APIP: variants seen among roughly 807,000 people sequenced by gnomAD.
APIP encodes APAF1 interacting protein, also known as methylthioribulose-1-phosphate dehydratase.
In APIP, 32 loss-of-function variants were observed where a neutral mutation model predicts 32.0. The observed-to-expected ratio is 1.00, with a 90% CI of 0.76 to 1.34. The LOEUF (loss-of-function observed/expected upper bound fraction) is 1.34, where lower values mean the gene tolerates loss of function less well. Ranked by LOEUF, APIP falls within the 40% of genes most tolerant of loss-of-function variation. The probability of loss-of-function intolerance (pLI) is 0.00; values close to 1 mark genes in which losing one functional copy is unlikely to be tolerated. For synonymous variants in APIP, 92 were observed against 94.8 expected, an observed-to-expected ratio of 0.97 and a Z score of 0.17; for missense variants, 247 against 298.6, an observed-to-expected ratio of 0.83 and a Z score of 1.27.
chr11:34,915,930 A>C, intron 1 of APIP: 1 of 496,632 alleles, frequency 2.0e-6, no homozygotes. Flanking sequence ...CCTTCCTGAT[A>C]AATACCCGGT....
At chr11:34,887,223 T>A (rs1853091818) in intron 5 of APIP, among the ~76,000 whole-genome samples, 1 of 152,120 alleles carries the variant, frequency 6.6e-6, no homozygotes, top group African/African-American at 2.4e-5. Context: ...GCCCTGTTCC[T>A]CTACCTTACT....
chr11:34,903,313 G>T (rs1853396001), intron 1 of APIP, among the ~76,000 whole-genome samples: 1 of 152,214 alleles, frequency 6.6e-6, no homozygotes, highest in Non-Finnish European at 1.5e-5. Flanking sequence ...CAAGGAGTAT[G>T]CATATGCAAT....
chr11:34,913,404 G>T (rs942492513), intron 1 of APIP, among the ~76,000 whole-genome samples: 1 of 152,112 alleles, frequency 6.6e-6, no homozygotes. Context: ...TGTTCGTTCA[G>T]ATGTTCAGAG....
At chr11:34,884,416 A>T (rs998368181) in intron 5 of APIP, among the ~76,000 whole-genome samples, 1 of 152,216 alleles carries the variant, frequency 6.6e-6, no homozygotes, top group Non-Finnish European at 1.5e-5. Flanking sequence ...AGTAAAACAG[A>T]GGTAATTATA....
intron 1 of APIP, chr11:34,896,937 C>G: frequency 1.2e-5 from 7 of 575,008 alleles, no homozygotes; most frequent in Non-Finnish European, 1.7e-5. Context: ...GGAGACCCCA[C>G]TGAGGTCTAC....
At position 34,890,538 on chromosome 11, in the gene APIP, A is replaced by G; in HGVS notation, c.173T>C (p.Ile58Thr). The change falls in exon 3 of 7, where the codon ATT (isoleucine) becomes ACT (threonine). Residue 58 changes from isoleucine to threonine, a missense_variant. Transcript: ENST00000395787. ...ISLKHGDEIYIAPSGVQKERI... is the reference protein window; with the variant it reads ...ISLKHGDEIYTAPSGVQKERI... ...TTCCTTTTGCACTCCTGAAGGAGCA[A>G]TGTAGATTTCATCGCTGGCAACACA... 6.2e-7 allele frequency: 1 copy of G among 1,610,148 alleles called. No individual in the cohort carries two copies. The highest frequency in any genetic ancestry group is 8.5e-7 in the Non-Finnish European group (1 of 1,177,902).
chr11:34,890,578 G>GT, intron 2 of APIP, 26 bp from the exon 3 acceptor site: 1 of 1,606,248 alleles, frequency 6.2e-7, no homozygotes, highest in Non-Finnish European at 8.5e-7. Context: ...ATACAAATTG[G>GT]TATTTATTTA....
chr11:34,883,121 T>G (rs140152106), intron 6 of APIP, among the ~76,000 whole-genome samples: 4 of 152,336 alleles, frequency 2.6e-5, no homozygotes, highest in South Asian at 2.1e-4. Flanking sequence ...CTTTTGTAAC[T>G]TGGGATCTGT....
At chr11:34,900,702 G>A (rs1354196974) in intron 1 of APIP, among the ~76,000 whole-genome samples, 1 of 151,986 alleles carries the variant, frequency 6.6e-6, no homozygotes, top group Non-Finnish European at 1.5e-5. Context: ...GGGAAGGTGA[G>A]GAAGAAGTGG....
At chr11:34,910,183 C>G (rs1334499895) in intron 1 of APIP, among the ~76,000 whole-genome samples, 2 of 152,186 alleles carry the variant, frequency 1.3e-5, no homozygotes, top group Non-Finnish European at 2.9e-5. Flanking sequence ...CTGCTCAATG[C>G]CAGCCCAAAG....
chr11:34,897,495 G>T (rs1237139385), intron 1 of APIP, among the ~76,000 whole-genome samples: 2 of 144,020 alleles, frequency 1.4e-5, no homozygotes, highest in East Asian at 2.0e-4. Context: ...GAGTTATTAA[G>T]AAATTATTTT....
intron 6 of APIP, 127 bp downstream of exon 6, chr11:34,883,210 C>T (rs1852997576): frequency 9.8e-7 from 1 of 1,022,052 alleles, no homozygotes; most frequent in Admixed American, 2.7e-5. Context: ...TGAATGGATA[C>T]ATAATAAAAA....
intron 5 of APIP, 73 bp downstream of exon 5, chr11:34,888,220 G>T: frequency 7.6e-7 from 1 of 1,324,456 alleles, no homozygotes; most frequent in South Asian, 1.5e-5. Context: ...TGCATAAAAT[G>T]ATCAGTATTC....
At chr11:34,900,312 A>G (rs1406698449) in intron 1 of APIP, among the ~76,000 whole-genome samples, 1 of 151,162 alleles carries the variant, frequency 6.6e-6, no homozygotes, top group South Asian at 2.1e-4. Flanking sequence ...GAATGTCCCA[A>G]TGCTTCCAGT....
At chr11:34,908,424 T>C (rs540639952) in intron 1 of APIP, among the ~76,000 whole-genome samples, 1 of 152,342 alleles carries the variant, frequency 6.6e-6, no homozygotes, top group South Asian at 2.1e-4. Context: ...TCTCTGTCCT[T>C]GGTCTTCGTT....
At chr11:34,898,169 T>G (rs1257797953) in intron 1 of APIP, among the ~76,000 whole-genome samples, 2 of 152,102 alleles carry the variant, frequency 1.3e-5, no homozygotes, top group Non-Finnish European at 2.9e-5. Context: ...ATGGTGAGTA[T>G]AGGAGCAAGC....
At position 34,882,694 on chromosome 11, in the gene APIP, A is replaced by G. The variant is rs1233496720; in HGVS notation, c.*23T>C. 1.4e-6 allele frequency: 2 copies of G among 1,447,626 alleles called. No individual in the cohort carries two copies. The highest frequency in any genetic ancestry group is 1.9e-6 in the Non-Finnish European group (2 of 1,046,688). The allele number at this position is 1,447,626 out of a possible 1,614,324, so 89.7% of individuals were successfully genotyped here. ...TAATTACGTTTAGCTTTATCTCTGT[A>G]TATAATTAGACTTTCTTTTGGCTTA... On this transcript the variant is annotated 3_prime_UTR_variant, in exon 7 of 7. Coordinates refer to ENST00000395787, the MANE Select transcript of APIP (RefSeq NM_015957.4).
In APIP at chr11:34,912,081, C is replaced by T. The variant is rs567181344; in HGVS notation, c.57+4147G>A. Among the ~76,000 whole-genome samples, 30 of 152,180 alleles carry T rather than the reference C, an allele frequency of 2.0e-4. No homozygotes were observed. The South Asian group carries it at 2.9e-3, about 15-fold the overall frequency. On this transcript the variant is annotated intron_variant, in intron 1 of 6. Coordinates refer to ENST00000395787, the MANE Select transcript of APIP (RefSeq NM_015957.4). ...TTGCTGATGTTAGAAAAAATCAGTT[C>T]AAGGGCCAGTCAGTAGGGATTTAAT...
intron 5 of APIP, among the ~76,000 whole-genome samples, chr11:34,885,186 A>AGGTATACATGTATAAC (rs1319895672): frequency 4.7e-5 from 7 of 148,244 alleles, no homozygotes; most frequent in Admixed American, 3.4e-4. Context: ...ATATATGTAT[A>AGGTATACATGTATAAC]TATATACCTA....
Sources: allele counts gnomAD v4.1 joint callset (sites outside exome capture counted in the v4.1 genomes callset), GRCh38; gene constraint gnomAD v4.1.1; transcripts MANE v1.5; gene names NCBI Gene and HGNC (gene_info 2026-07-23, HGNC 2026-07-21).